Variants in CHCHD3 observed in about 807,000 individuals in gnomAD.
CHCHD3 encodes coiled-coil-helix-coiled-coil-helix domain containing 3, also known as MICOS complex subunit MIC19.
CHCHD3 carries 20 observed loss-of-function variants against 38.2 expected under a neutral mutation model. The observed-to-expected ratio is 0.52, with a 90% confidence interval of 0.37 to 0.76. The LOEUF (loss-of-function observed/expected upper bound fraction) is 0.76, where lower values mean the gene tolerates loss of function less well. Among genes scored for constraint, CHCHD3 ranks in the 30% least tolerant of loss-of-function variants. The probability of loss-of-function intolerance (pLI) is 0.00; values close to 1 mark genes in which losing one functional copy is unlikely to be tolerated. For missense variants in CHCHD3, 245 were observed against 279.2 expected, an observed-to-expected ratio of 0.88 and a Z score of 0.87; for synonymous variants, 82 against 100.0, an observed-to-expected ratio of 0.82 and a Z score of 1.07.
chr7:132,987,918 C>T (rs1017684458), intron 3 of CHCHD3, among the ~76,000 whole-genome samples: 2 of 152,118 alleles, frequency 1.3e-5, no homozygotes. Flanking sequence ...TATCTACTTA[C>T]ACTTAATAAA....
At chr7:132,922,821 C>A (rs1449442170) in intron 4 of CHCHD3, among the ~76,000 whole-genome samples, 1 of 148,686 alleles carries the variant, frequency 6.7e-6, no homozygotes, top group Non-Finnish European at 1.5e-5. Flanking sequence ...TATGGGGCAA[C>A]CTACCAGCAA....
rs540840493 is a variant in CHCHD3, at chr7:133,035,769, C to T, written c.170-11142G>A. ...TGGGACCTTGCCGGCAGGAAATTTG[C>T]GAAGAAATTCAGAGGTGCGGTTGGT... On this transcript the variant is annotated intron_variant, in intron 2 of 7. Transcript: ENST00000262570. The surrounding 1 kb of genome is among the most constrained non-coding windows in gnomAD (Gnocchi z 4.7). 1.2e-6 allele frequency: 2 copies of T among 1,613,174 alleles called. No homozygotes were observed. The highest frequency in any genetic ancestry group is 1.1e-5 in the South Asian group (1 of 91,052).
At chr7:133,078,136 C>G (rs1244116182) in intron 1 of CHCHD3, among the ~76,000 whole-genome samples, 2 of 151,938 alleles carry the variant, frequency 1.3e-5, no homozygotes, top group Non-Finnish European at 2.9e-5. Context: ...GGTGAAACCC[C>G]CCTCTACTAA....
chr7:132,935,111 GA>G (rs1197434722), intron 4 of CHCHD3, among the ~76,000 whole-genome samples: 1 of 150,072 alleles, frequency 6.7e-6, no homozygotes, highest in Admixed American at 6.6e-5. Context: ...ACAGCCTCAG[GA>G]AAATTATTAA....
intron 6 of CHCHD3, chr7:132,815,546 C>T (rs761239137): frequency 8.8e-5 from 40 of 455,862 alleles, no homozygotes; most frequent in Non-Finnish European, 1.2e-4. Flanking sequence ...GGAGAAGTAA[C>T]GAGTTCTCCT....
chr7:132,802,909 G>A (rs1369330861), intron 6 of CHCHD3, among the ~76,000 whole-genome samples: 3 of 151,996 alleles, frequency 2.0e-5, no homozygotes, highest in African/African-American at 2.4e-5. Context: ...AACAAATTGC[G>A]CTTTCGTCTG....
chr7:132,942,897 T>C (rs1201152184), intron 4 of CHCHD3, among the ~76,000 whole-genome samples: 3 of 152,184 alleles, frequency 2.0e-5, no homozygotes, highest in Non-Finnish European at 4.4e-5. Flanking sequence ...ACTAGGTATC[T>C]GGTTTGCTGC....
chr7:132,958,223 G>A (rs1811229546), intron 4 of CHCHD3, among the ~76,000 whole-genome samples: 2 of 152,152 alleles, frequency 1.3e-5, no homozygotes. Flanking sequence ...GGGCAGAGGA[G>A]AAGAACACAA....
chr7:132,912,908 G>T (rs1397323719), intron 4 of CHCHD3, among the ~76,000 whole-genome samples: 3 of 152,148 alleles, frequency 2.0e-5, no homozygotes, highest in African/African-American at 4.8e-5. Flanking sequence ...GAGGTCAAAT[G>T]GTTTAATATG....
At chr7:132,798,937 T>C (rs1806692403) in intron 6 of CHCHD3, among the ~76,000 whole-genome samples, 2 of 152,090 alleles carry the variant, frequency 1.3e-5, no homozygotes, top group Non-Finnish European at 2.9e-5. Context: ...TGTGTCAAAA[T>C]ATACTTTTAT....
chr7:132,988,649 C>T (rs1349787369), intron 3 of CHCHD3, among the ~76,000 whole-genome samples: 1 of 152,142 alleles, frequency 6.6e-6, no homozygotes, highest in Admixed American at 6.5e-5. Flanking sequence ...CTCAGTGGCT[C>T]ATGCCTGCAA....
At chr7:132,884,450 G>A (rs193188368) in intron 5 of CHCHD3, among the ~76,000 whole-genome samples, 205 of 152,178 alleles carry the variant, frequency 1.3e-3, no homozygotes, top group African/African-American at 4.7e-3. Flanking sequence ...ATAGCTGCTG[G>A]CACAAGACCA....
At chr7:133,011,250 G>A (rs1290123983) in intron 3 of CHCHD3, among the ~76,000 whole-genome samples, 1 of 152,212 alleles carries the variant, frequency 6.6e-6, no homozygotes, top group Non-Finnish European at 1.5e-5. Flanking sequence ...TGGACTTTAT[G>A]CTAAACCTAA....
intron 4 of CHCHD3, among the ~76,000 whole-genome samples, chr7:132,906,312 C>T (rs538370850): frequency 6.6e-6 from 1 of 152,224 alleles, no homozygotes; most frequent in African/African-American, 2.4e-5. Context: ...ACAATTAGTG[C>T]TTTTTCTAAC....
intron 4 of CHCHD3, among the ~76,000 whole-genome samples, chr7:132,960,517 C>A (rs963461829): frequency 6.6e-6 from 1 of 152,072 alleles, no homozygotes; most frequent in African/African-American, 2.4e-5. Context: ...GTTTGAAGCA[C>A]CAATACATTC....
chr7:132,973,174 G>A, intron 4 of CHCHD3: 1 of 985,404 alleles, frequency 1.0e-6, no homozygotes, highest in Non-Finnish European at 1.2e-6. Flanking sequence ...AAAAGAGGTG[G>A]AGAAAGAGTG....
chr7:133,012,664 T>C (rs1812906894), intron 3 of CHCHD3, among the ~76,000 whole-genome samples: 1 of 151,494 alleles, frequency 6.6e-6, no homozygotes, highest in Admixed American at 6.6e-5. Context: ...CTCGGGAGGT[T>C]AAGGTGAGAG....
chr7:132,830,763 T>C (rs1211780690), intron 6 of CHCHD3: 1 of 152,196 alleles, frequency 6.6e-6, no homozygotes, highest in Non-Finnish European at 1.5e-5. Flanking sequence ...GAAGTTGACA[T>C]AGGTGAGCTG....
intron 5 of CHCHD3, among the ~76,000 whole-genome samples, chr7:132,882,511 T>G (rs1218379440): frequency 1.3e-5 from 2 of 149,242 alleles, no homozygotes; most frequent in Non-Finnish European, 3.0e-5. Context: ...TCACAATAAT[T>G]TGATCTTATC....
Sources: allele counts gnomAD v4.1 joint callset (sites outside exome capture counted in the v4.1 genomes callset), GRCh38; gene constraint gnomAD v4.1.1; non-coding constraint Gnocchi (gnomAD v3.1); transcripts MANE v1.5; gene names NCBI Gene and HGNC (gene_info 2026-07-23, HGNC 2026-07-21).